The following FARP1 variants were observed in gnomAD, a reference collection of about 807,000 sequenced individuals.
The protein encoded by FARP1 is FERM, ARHGEF and pleckstrin domain-containing protein 1.
In FARP1, 52 loss-of-function variants were observed where a neutral mutation model predicts 128.8. The observed-to-expected ratio is 0.40, with a 90% CI of 0.32 to 0.51. The LOEUF is 0.51. Among genes scored for constraint, FARP1 ranks in the 20% least tolerant of loss-of-function variants. The pLI is 0.45. For missense variants in FARP1, 1,333 were observed against 1,367.9 expected (o/e 0.97, Z 0.40); for synonymous variants, 580 against 551.8 (o/e 1.05, Z -0.72).
chr13:98,152,140 A>G (rs376594221), intron 1 of FARP1, among the ~76,000 whole-genome samples: 53 of 152,204 alleles, frequency 3.5e-4, no homozygotes, highest in African/African-American at 9.6e-4. Flanking sequence ...TCTCAGCCCA[A>G]AATATCATCA....
intron 2 of FARP1, among the ~76,000 whole-genome samples, chr13:98,302,501 C>T (rs1229099786): frequency 2.0e-5 from 3 of 152,166 alleles, no homozygotes; most frequent in Admixed American, 6.5e-5. Flanking sequence ...CCTTCCTGGG[C>T]GTGCTCAGGC....
intron 1 of FARP1, among the ~76,000 whole-genome samples, chr13:98,190,814 T>A (rs566778793): frequency 6.6e-6 from 1 of 151,972 alleles, no homozygotes; most frequent in East Asian, 1.9e-4. Flanking sequence ...CCCAAAGTGC[T>A]TAGATTACAG....
intron 2 of FARP1, among the ~76,000 whole-genome samples, chr13:98,324,122 TA>T (rs1450671403): frequency 6.6e-6 from 1 of 152,250 alleles, no homozygotes; most frequent in Non-Finnish European, 1.5e-5. Context: ...ATTTCATGCG[TA>T]CATTGAAGTT....
At chr13:98,282,224 A>G (rs1884969639) in intron 2 of FARP1, among the ~76,000 whole-genome samples, 1 of 152,162 alleles carries the variant, frequency 6.6e-6, no homozygotes, top group South Asian at 2.1e-4. Flanking sequence ...GGGTCACCTG[A>G]GCATAGGGAC....
intron 1 of FARP1, among the ~76,000 whole-genome samples, chr13:98,169,863 A>C (rs1022679239): frequency 5.3e-5 from 8 of 151,178 alleles, no homozygotes; most frequent in Non-Finnish European, 8.8e-5. Flanking sequence ...TCAGTCTGAG[A>C]TATTTCCTAA....
At chr13:98,186,144 C>G (rs527369342) in intron 1 of FARP1, among the ~76,000 whole-genome samples, 14 of 151,856 alleles carry the variant, frequency 9.2e-5, no homozygotes, top group African/African-American at 3.1e-4. Flanking sequence ...CTCTTGTTGC[C>G]CAGGCTGGCT....
intron 13 of FARP1, chr13:98,405,050 T>G (rs909821568): frequency 6.6e-6 from 1 of 152,220 alleles, no homozygotes; most frequent in Non-Finnish European, 1.5e-5. Flanking sequence ...GAAATGTTTT[T>G]CTTTTCCCAG....
chr13:98,431,520 G>C (rs1189297828), intron 18 of FARP1: 1 of 367,372 alleles, frequency 2.7e-6, no homozygotes, highest in East Asian at 5.2e-5. Flanking sequence ...GGAGTGCAAT[G>C]GTGCGATCTC....
chr13:98,436,803 C>T (rs571703463), intron 19 of FARP1, among the ~76,000 whole-genome samples: 17 of 152,220 alleles, frequency 1.1e-4, no homozygotes, highest in Non-Finnish European at 1.6e-4. Flanking sequence ...CCCATCCACA[C>T]GGAACCCTCA....
intron 24 of FARP1, among the ~76,000 whole-genome samples, chr13:98,442,910 G>A (rs1164431252): frequency 1.1e-4 from 17 of 152,226 alleles, no homozygotes; most frequent in Non-Finnish European, 8.8e-5. Flanking sequence ...AGGCCTCAAA[G>A]CTTTTTACAT....
intron 2 of FARP1, among the ~76,000 whole-genome samples, chr13:98,269,405 A>G (rs180965708): frequency 2.0e-5 from 3 of 152,350 alleles, no homozygotes; most frequent in Non-Finnish European, 4.4e-5. Flanking sequence ...CTGTTCATTA[A>G]GTTCAGATTT....
At chr13:98,261,323 T>A (rs1480968736) in intron 2 of FARP1, among the ~76,000 whole-genome samples, 1 of 152,136 alleles carries the variant, frequency 6.6e-6, no homozygotes, top group Non-Finnish European at 1.5e-5. Context: ...CTGGGGGATT[T>A]GTCAGGACCT....
intron 5 of FARP1, among the ~76,000 whole-genome samples, chr13:98,370,085 T>C (rs1323129559): frequency 6.6e-6 from 1 of 152,158 alleles, no homozygotes; most frequent in South Asian, 2.1e-4. Context: ...ACTCTTTAGG[T>C]AATTGAAGTA....
At chr13:98,353,864 T>C (rs1888539555) in intron 3 of FARP1, among the ~76,000 whole-genome samples, 1 of 151,116 alleles carries the variant, frequency 6.6e-6, no homozygotes, top group Non-Finnish European at 1.5e-5. Flanking sequence ...TAACTCTTCT[T>C]ACCACAATTT....
intron 3 of FARP1, among the ~76,000 whole-genome samples, chr13:98,362,176 A>C (rs1000063631): frequency 2.6e-5 from 4 of 152,078 alleles, no homozygotes; most frequent in Non-Finnish European, 5.9e-5. Flanking sequence ...AGGTGGGAGG[A>C]TTGCCTGAGC....
At chr13:98,356,850 G>A (rs1888666100) in intron 3 of FARP1, among the ~76,000 whole-genome samples, 1 of 152,002 alleles carries the variant, frequency 6.6e-6, no homozygotes, top group South Asian at 2.1e-4. Context: ...GGCCAGGCTG[G>A]TCGCGAACTC....
chr13:98,267,989 T>C (rs1884207817), intron 2 of FARP1, among the ~76,000 whole-genome samples: 3 of 152,216 alleles, frequency 2.0e-5, no homozygotes, highest in Non-Finnish European at 1.5e-5. Flanking sequence ...ATTTATCATC[T>C]TCACCATTTG....
intron 2 of FARP1, among the ~76,000 whole-genome samples, chr13:98,270,866 G>A (rs1239604825): frequency 3.3e-5 from 5 of 152,020 alleles, no homozygotes; most frequent in Non-Finnish European, 7.3e-5. Flanking sequence ...GTACAGAGAT[G>A]GTGTGGTATA....
chr13:98,390,077 C>T lies in FARP1; in HGVS notation c.976C>T (p.Pro326Ser). 6.2e-7 allele frequency: 1 copy of T among 1,614,182 alleles called. No individual in the cohort carries two copies. The highest frequency in any genetic ancestry group is 8.5e-7 in the Non-Finnish European group (1 of 1,180,036). ...ACTTTTTGAAGAGCCCAAACCAAAG[C>T]CCAAGCCCGTCCTCTTTAGCCGGGG... Reference protein sequence around the residue: ...FRLFEEPKPKPKPVLFSRGSS... With the variant: ...FRLFEEPKPKSKPVLFSRGSS... Residue 326 changes from proline to serine, a missense_variant, in exon 10 of 27, where the codon CCC becomes TCC. Pro to Ser is a moderately conservative substitution (Grantham distance 74). Transcript: ENST00000319562.
Sources: gnomAD v4.1 joint callset for allele counts (sites outside exome capture counted in the v4.1 genomes callset) on GRCh38, gnomAD v4.1.1 for gene constraint, MANE v1.5 for transcripts, NCBI Gene and HGNC (gene_info 2026-07-23, HGNC 2026-07-21) for gene names.